BMI1: variants seen among roughly 807,000 people sequenced by gnomAD.
BMI1 encodes BMI1 proto-oncogene, polycomb ring finger.
In BMI1, 9 loss-of-function variants were observed where a neutral mutation model predicts 39.1. That is an observed-to-expected ratio of 0.23 (90% CI 0.14 to 0.40). BMI1 has a LOEUF of 0.40. Ranked by LOEUF, BMI1 falls within the 10% of genes least tolerant of loss-of-function variation. The pLI is 1.00. For synonymous variants in BMI1, 131 were observed against 127.9 expected (o/e 1.02, Z -0.16); for missense variants, 252 against 390.8 (o/e 0.64, Z 2.99).
chr10:22,325,287 G>A (rs1836106835), intron 1 of BMI1, among the ~76,000 whole-genome samples: 1 of 152,188 alleles, frequency 6.6e-6, no homozygotes, highest in South Asian at 2.1e-4. Flanking sequence ...TGCACAGTTG[G>A]CAATTCTCAA....
chr10:22,325,396 A>G (rs1387438016), intron 1 of BMI1, among the ~76,000 whole-genome samples: 1 of 152,166 alleles, frequency 6.6e-6, no homozygotes, highest in African/African-American at 2.4e-5. Flanking sequence ...TCGACGTGAA[A>G]AGAGGCCCCC....
At chr10:22,325,564 C>T (rs1836118772) in intron 1 of BMI1, 2 of 145,588 alleles carry the variant, frequency 1.4e-5, no homozygotes, top group East Asian at 2.0e-4. Flanking sequence ...CCCGCCCCCC[C>T]GGCGTCGCCG....
rs1222144658 is a variant in BMI1, at chr10:22,330,343, A to G, written c.*801A>G. On this transcript the variant is annotated 3_prime_UTR_variant, in exon 10 of 10. Coordinates refer to ENST00000376663, the MANE Select transcript of BMI1 (RefSeq NM_005180.9). ...AGAAATGATTGTTAAAATTCTCCCA[A>G]CTGGTTCGACCTTTGCAGATACCCA... is the stretch of plus-strand genomic sequence containing the variant. The G allele has an allele frequency of 6.6e-6, 1 of 152,618 alleles. No individual in the cohort carries two copies. The highest frequency in any genetic ancestry group is 2.4e-5 in the African/African-American group (1 of 41,458). The allele number at this position is 152,618 out of a possible 1,614,324, so 9.5% of individuals were successfully genotyped here.
In BMI1 at chr10:22,327,595, G is replaced by A. The variant is rs1836188640; in HGVS notation, c.210G>A (p.Arg70=). 2 of 1,597,502 alleles carry A rather than the reference G, an allele frequency of 1.3e-6. No individual in the cohort carries two copies. Among genetic ancestry groups the A allele is most frequent in the Non-Finnish European group, 1.7e-6 (2 of 1,174,140 alleles). The part of the protein sequence containing the change: ...VHKTRPLLNI[R]SDKTLQDIVY... ...GTTTTCTATTTTAATTATTTTTCAG[G>A]TCAGATAAAACTCTCCAAGATATTG... The change falls in exon 4 of 10, where the codon AGG becomes AGA. Residue 70 remains arginine, a splice_region_variant and synonymous_variant. Coordinates refer to ENST00000376663, the MANE Select transcript of BMI1 (RefSeq NM_005180.9).
chr10:22,326,124 G>T (rs2132004297), intron 1 of BMI1: 1 of 214,716 alleles, frequency 4.7e-6, no homozygotes, highest in East Asian at 1.2e-4. Context: ...CCTTGGGGCT[G>T]CTGGGCTGGA....
At chr10:22,327,346 A>AG (rs1159257391) in intron 3 of BMI1, among the ~76,000 whole-genome samples, 1 of 152,172 alleles carries the variant, frequency 6.6e-6, no homozygotes, top group African/African-American at 2.4e-5. Flanking sequence ...GTAACTTGAA[A>AG]GGCACACTTC....
intron 1 of BMI1, chr10:22,321,984 C>A (rs1055939065): frequency 1.9e-4 from 28 of 145,410 alleles, no homozygotes; most frequent in Admixed American, 1.9e-3. Flanking sequence ...CCGCCGCCAG[C>A]AGGGCTCGGC....
intron 1 of BMI1, among the ~76,000 whole-genome samples, chr10:22,322,995 C>T (rs1836048268): frequency 2.0e-5 from 3 of 152,118 alleles, no homozygotes; most frequent in South Asian, 2.1e-4. Context: ...TGTATTAACC[C>T]CTTCCCTTAA....
In BMI1 at chr10:22,329,383, C is replaced by A; in HGVS notation, c.822C>A (p.Ser274Arg). The A allele has an allele frequency of 6.2e-7, 1 of 1,614,152 alleles. No individual in the cohort carries two copies. ...GIPSTSSCLP[S>R]PSTPVQSPHP... ...CCTCCACCTCTTCTTGTTTGCCTAG[C>A]CCCAGTACTCCAGTGCAGTCTCCTC... Residue 274 changes from serine (S) to arginine (R), a missense_variant, in exon 10 of 10, where the codon AGC becomes AGA. Ser to Arg is a moderately radical substitution (Grantham distance 110). Around this residue, in one of 4 missense-constraint regions of BMI1, gnomAD observed 96 missense variants for 120.2 expected, o/e 0.80. Transcript: ENST00000376663.
At position 22,329,139 on chromosome 10, in the gene BMI1, T is replaced by C. The variant is rs761671856; in HGVS notation, c.651+11T>C. 1 of 1,611,484 alleles carries C rather than the reference T, an allele frequency of 6.2e-7. No individual in the cohort carries two copies. The highest frequency in any genetic ancestry group is 1.3e-5 in the African/African-American group (1 of 74,712). Reference sequence around the variant, plus strand: ...TATACCTGGAGAAGGGTAAGTAGCATATCTGTTGTTAGATTATGATGGTAA... The same window carrying C: ...TATACCTGGAGAAGGGTAAGTAGCACATCTGTTGTTAGATTATGATGGTAA... On this transcript the variant is annotated intron_variant, in intron 9 of 9. Transcript: ENST00000376663.
At chr10:22,327,869 C>G (rs1836194433) in intron 5 of BMI1, 77 bp downstream of exon 5, 2 of 1,597,612 alleles carry the variant, frequency 1.3e-6, no homozygotes, top group African/African-American at 1.4e-5. Flanking sequence ...TTAAAATTGA[C>G]TTTACCACTT....
rs41277400 is a variant in BMI1, at chr10:22,329,893, C to A, written c.*351C>A. ...GTTTGTTAATCTCAACTAACGCCTA[C>A]ATTACATTCTCCTTGATCGTTCTTG... On this transcript the variant is annotated 3_prime_UTR_variant, in exon 10 of 10. Coordinates refer to ENST00000376663, the MANE Select transcript of BMI1 (RefSeq NM_005180.9). 8 of 208,302 alleles carry A rather than the reference C, an allele frequency of 3.8e-5. No homozygotes were observed. The highest frequency in any genetic ancestry group is 6.8e-5 in the Non-Finnish European group (7 of 102,418). 12.9% of individuals were successfully genotyped at this position (208,302 alleles called of 1,614,324 possible). A position where few individuals can be genotyped will look rare whatever the true frequency, so the allele number is the denominator to read the frequency against.
intron 2 of BMI1, 23 bp downstream of exon 2, chr10:22,326,584 CTT>C: frequency 6.2e-7 from 1 of 1,608,888 alleles, no homozygotes; most frequent in African/African-American, 1.3e-5. Flanking sequence ...CTTTAGCTCT[CTT>C]TTGTATCATG....
At chr10:22,326,630 T>A (rs915983388) in intron 2 of BMI1, 69 bp downstream of exon 2, 59 of 1,571,230 alleles carry the variant, frequency 3.8e-5, no homozygotes, top group Non-Finnish European at 4.8e-5. Flanking sequence ...ATTTGAAAAC[T>A]GTTAATGATT....
chr10:22,326,432 A>AT lies in BMI1; in HGVS notation c.-12dup, dbSNP rs768094236. Reference sequence around the variant, plus strand: ...GGCCATTATTTCTGTGTCTTGCAGGATTTTTTATCAAGCAGAAATGCATCG... The same window carrying AT: ...GGCCATTATTTCTGTGTCTTGCAGGATTTTTTTATCAAGCAGAAATGCATCG... On this transcript the variant is annotated splice_region_variant and 5_prime_UTR_variant, in exon 2 of 10. Transcript: ENST00000376663. 187 of 1,611,772 alleles carry AT rather than the reference A, an allele frequency of 1.2e-4. No individual in the cohort carries two copies. Among genetic ancestry groups the AT allele is most frequent in the Non-Finnish European group, 1.6e-4 (184 of 1,179,988 alleles).
In BMI1 at chr10:22,328,475, G is replaced by T. The variant is rs1326698506; in HGVS notation, c.472-125G>T. The T allele has an allele frequency of 5.5e-6, 5 of 909,362 alleles. No homozygotes were observed. The African/African-American group carries it at 8.6e-5, about 16-fold the overall frequency. 56.3% of individuals were successfully genotyped at this position (909,362 alleles called of 1,614,324 possible). ...TGATAGTAAACTCAGAGTGTAATTA[G>T]TTGAGAGGTTGGTCACCTCCAATTT... On this transcript the variant is annotated intron_variant, in intron 7 of 9. Transcript: ENST00000376663.
At chr10:22,322,213 C>G (rs970705275) in intron 1 of BMI1, 2 of 152,144 alleles carry the variant, frequency 1.3e-5, no homozygotes, top group Non-Finnish European at 2.9e-5. Context: ...AAATCGGGAG[C>G]TGCTTGGGTC....
chr10:22,328,898 A>G (rs569006535), intron 8 of BMI1, 150 bp from the exon 9 acceptor site: 2 of 997,852 alleles, frequency 2.0e-6, no homozygotes, highest in African/African-American at 1.7e-5. Context: ...TCTAGAAATA[A>G]TTTTTTCTCA....
At chr10:22,324,147 C>CT (rs1247824083) in intron 1 of BMI1, among the ~76,000 whole-genome samples, 8 of 152,162 alleles carry the variant, frequency 5.3e-5, no homozygotes, top group Admixed American at 2.0e-4. Flanking sequence ...TAATACTTGT[C>CT]TTTGTGTGGT....
Sources: gnomAD v4.1 joint callset for allele counts (sites outside exome capture counted in the v4.1 genomes callset) on GRCh38, gnomAD v4.1.1 for gene constraint, gnomAD v4.1.1 regional missense constraint, MANE v1.5 for transcripts, NCBI Gene and HGNC (gene_info 2026-07-23, HGNC 2026-07-21) for gene names.